ADGRV1: variants seen among roughly 807,000 people sequenced by gnomAD.
ADGRV1 encodes adhesion G protein-coupled receptor V1.
A neutral mutation model predicts 596.2 loss-of-function variants in ADGRV1; 359 were observed. The observed-to-expected ratio is 0.60, with a 90% CI of 0.55 to 0.66. ADGRV1 has a LOEUF of 0.66. ADGRV1 is among the 30% of genes least tolerant of loss of function. The pLI, the probability that ADGRV1 is intolerant of heterozygous loss-of-function variation, is 0.00. For missense variants in ADGRV1, 7,274 were observed against 7,575.6 expected (o/e 0.96, Z 1.48); for synonymous variants, 2,681 against 2,679.2 (o/e 1.00, Z -0.02).
intron 43 of ADGRV1, 93 bp from the exon 44 acceptor site, chr5:90,719,955 A>C: frequency 1.1e-6 from 1 of 934,940 alleles, no homozygotes; most frequent in Non-Finnish European, 1.7e-6. Flanking sequence ...AAAACATGCT[A>C]TTTTGTTGTC....
At chr5:90,852,573 C>T (rs983140130) in intron 79 of ADGRV1, among the ~76,000 whole-genome samples, 21 of 152,226 alleles carry the variant, frequency 1.4e-4, no homozygotes, top group African/African-American at 5.1e-4. Context: ...AACCCCTAAT[C>T]CCCTCCTTCA....
At chr5:90,687,136 G>A (rs1001716408) in intron 29 of ADGRV1, among the ~76,000 whole-genome samples, 5 of 152,096 alleles carry the variant, frequency 3.3e-5, no homozygotes, top group African/African-American at 1.2e-4. Flanking sequence ...AGTAGGTTGC[G>A]AAAATTTTCT....
At chr5:90,956,116 T>A (rs1310097840) in intron 83 of ADGRV1, among the ~76,000 whole-genome samples, 1 of 152,136 alleles carries the variant, frequency 6.6e-6, no homozygotes, top group Non-Finnish European at 1.5e-5. Context: ...CTTATCTAAG[T>A]CCAAGGAATT....
At chr5:90,780,448 A>G (rs1758716564) in intron 64 of ADGRV1, among the ~76,000 whole-genome samples, 1 of 152,148 alleles carries the variant, frequency 6.6e-6, no homozygotes, top group African/African-American at 2.4e-5. Context: ...GAATTTGGGA[A>G]TTGAAGGAAG....
At chr5:90,710,877 C>G in intron 39 of ADGRV1, 104 bp from the exon 40 acceptor site, 1 of 685,530 alleles carries the variant, frequency 1.5e-6, no homozygotes, top group Non-Finnish European at 2.5e-6. Flanking sequence ...AATACCTGTA[C>G]ATTATGAATT....
intron 84 of ADGRV1, among the ~76,000 whole-genome samples, chr5:90,976,322 G>GTGTGTATATATATATATA (rs1420288881): frequency 3.7e-5 from 4 of 108,634 alleles, no homozygotes; most frequent in Non-Finnish European, 7.2e-5. Flanking sequence ...GTGTGTGTGT[G>GTGTGTATATATATATATA]TATATATATA....
chr5:90,671,872 A>T (rs544263306), intron 21 of ADGRV1, among the ~76,000 whole-genome samples: 205 of 152,260 alleles, frequency 1.3e-3, no homozygotes, highest in Middle Eastern at 3.4e-3. Flanking sequence ...AAGTGTTTAG[A>T]TAAAAAATTT....
chr5:90,595,091 G>A (rs1467040382), intron 1 of ADGRV1, among the ~76,000 whole-genome samples: 2 of 136,794 alleles, frequency 1.5e-5, no homozygotes, highest in East Asian at 2.1e-4. Flanking sequence ...CCTCCCGGAC[G>A]GGGCAGCTGG....
At chr5:90,803,748 T>G (rs888525834) in intron 71 of ADGRV1, among the ~76,000 whole-genome samples, 3 of 152,128 alleles carry the variant, frequency 2.0e-5, no homozygotes, top group African/African-American at 7.2e-5. Context: ...CTTTACCTCC[T>G]CTTCTTTAAG....
Position 90,783,418 on chromosome 5 carries a change from A to T in ADGRV1, c.13433+93A>T, listed in dbSNP as rs191173243. ...TTTTGCACTGACAATAGAACTTTAG[A>T]TAATATGTGTCCATTGGAAAACAAC... On this transcript the variant is annotated intron_variant, in intron 66 of 89. Transcript: ENST00000405460. 9.5e-5 allele frequency: 83 copies of T among 875,344 alleles called. No homozygotes were observed. The African/African-American group carries it at 1.2e-3, about 13-fold the overall frequency. 54.2% of individuals were successfully genotyped at this position (875,344 alleles called of 1,614,324 possible).
At chr5:90,773,586 G>A (rs78872171) in intron 59 of ADGRV1, among the ~76,000 whole-genome samples, 1,776 of 152,264 alleles carry the variant, frequency 0.012, 35 homozygotes, top group African/African-American at 0.041. Context: ...AATCTTAAAG[G>A]TGAAGGTAAA....
intron 1 of ADGRV1, among the ~76,000 whole-genome samples, chr5:90,613,622 T>A (rs567521919): frequency 6.6e-6 from 1 of 152,212 alleles, no homozygotes; most frequent in Non-Finnish European, 1.5e-5. Flanking sequence ...AGCATCTCTG[T>A]CCCTGTTAGC....
chr5:91,156,849 A>G (rs2126935923), intron 89 of ADGRV1, among the ~76,000 whole-genome samples: 1 of 152,370 alleles, frequency 6.6e-6, no homozygotes, highest in Non-Finnish European at 1.5e-5. Context: ...TACAGCAGTT[A>G]TAACTGACCC....
At chr5:90,646,162 G>T in intron 16 of ADGRV1, 71 bp downstream of exon 16, 1 of 1,077,186 alleles carries the variant, frequency 9.3e-7, no homozygotes, top group Non-Finnish European at 1.2e-6. Context: ...ATATATGCAC[G>T]TGCATATATA....
intron 11 of ADGRV1, among the ~76,000 whole-genome samples, chr5:90,639,071 A>AACACACACACACACAC (rs67813883): frequency 1.1e-4 from 16 of 148,042 alleles, no homozygotes; most frequent in Admixed American, 4.1e-4. Flanking sequence ...ACCAATTTAC[A>AACACACACACACACAC]ACACACACAC....
At chr5:90,622,821 A>C in intron 5 of ADGRV1, 120 bp downstream of exon 5, 1 of 370,670 alleles carries the variant, frequency 2.7e-6, no homozygotes, top group Non-Finnish European at 4.8e-6. Context: ...GCTCAATGCA[A>C]CCTCTGCCTC....
chr5:90,632,703 G>T (rs1765654181), intron 9 of ADGRV1, among the ~76,000 whole-genome samples: 1 of 152,176 alleles, frequency 6.6e-6, no homozygotes, highest in Non-Finnish European at 1.5e-5. Flanking sequence ...GTTGAAGAAG[G>T]ATGTAATTAA....
intron 85 of ADGRV1, among the ~76,000 whole-genome samples, chr5:91,056,479 G>A (rs1320518112): frequency 6.6e-6 from 1 of 152,052 alleles, no homozygotes; most frequent in Non-Finnish European, 1.5e-5. Flanking sequence ...TTGTTGCATA[G>A]AATACGAGAA....
intron 83 of ADGRV1, among the ~76,000 whole-genome samples, chr5:90,908,214 TATTTA>T (rs1053312680): frequency 1.3e-5 from 2 of 152,202 alleles, no homozygotes; most frequent in Non-Finnish European, 2.9e-5. Context: ...TTTTTTATAT[TATTTA>T]ATTTAATTTT....
Sources: allele counts gnomAD v4.1 joint callset (sites outside exome capture counted in the v4.1 genomes callset), GRCh38; gene constraint gnomAD v4.1.1; transcripts MANE v1.5; gene names NCBI Gene and HGNC (gene_info 2026-07-23, HGNC 2026-07-21).